ROBO1: variants seen among roughly 807,000 people sequenced by gnomAD.
The protein encoded by ROBO1 is roundabout homolog 1.
In ROBO1, 149 loss-of-function variants were observed where a neutral mutation model predicts 195.9. The ratio of observed to expected loss-of-function variants is 0.76; its 90% CI spans 0.67 to 0.87. The LOEUF is 0.87. Among genes scored for constraint, ROBO1 ranks in the 40% least tolerant of loss-of-function variants. The probability of loss-of-function intolerance (pLI) is 0.00; values close to 1 mark genes in which losing one functional copy is unlikely to be tolerated. For missense variants in ROBO1, 1,933 were observed against 2,068.3 expected (o/e 0.93, Z 1.27); for synonymous variants, 816 against 733.2 (o/e 1.11, Z -1.82).
chr3:78,609,022 A>G (rs1703631492), intron 28 of ROBO1, among the ~76,000 whole-genome samples: 2 of 152,134 alleles, frequency 1.3e-5, no homozygotes, highest in Admixed American at 1.3e-4. Flanking sequence ...AGAGATCAAA[A>G]CCAGAGATAC....
At chr3:78,873,187 C>T (rs1296391848) in intron 4 of ROBO1, among the ~76,000 whole-genome samples, 1 of 152,138 alleles carries the variant, frequency 6.6e-6, no homozygotes, top group Non-Finnish European at 1.5e-5. Flanking sequence ...ATGTTTAAGT[C>T]TCTAAATCAG....
chr3:78,961,809 C>CA (rs1337996264), intron 3 of ROBO1, among the ~76,000 whole-genome samples: 1 of 152,018 alleles, frequency 6.6e-6, no homozygotes, highest in East Asian at 1.9e-4. Context: ...TTTAAGTCCT[C>CA]AAAGTTAATT....
intron 1 of ROBO1, among the ~76,000 whole-genome samples, chr3:79,634,839 C>A (rs1197475852): frequency 1.3e-5 from 2 of 152,022 alleles, no homozygotes; most frequent in African/African-American, 4.8e-5. Flanking sequence ...ATAATTTAAC[C>A]ATGTTTTGTC....
chr3:79,175,509 T>C (rs2081249166), intron 2 of ROBO1, among the ~76,000 whole-genome samples: 1 of 152,222 alleles, frequency 6.6e-6, no homozygotes, highest in Non-Finnish European at 1.5e-5. Flanking sequence ...ATTATTGTTC[T>C]TCCTTCCTAA....
chr3:79,694,756 A>G (rs1010354560), intron 1 of ROBO1, among the ~76,000 whole-genome samples: 4 of 151,780 alleles, frequency 2.6e-5, no homozygotes, highest in African/African-American at 7.2e-5. Flanking sequence ...CATACAATAT[A>G]TGAAACATTT....
intron 1 of ROBO1, among the ~76,000 whole-genome samples, chr3:79,675,917 A>G (rs1390935371): frequency 1.3e-5 from 2 of 152,064 alleles, no homozygotes; most frequent in Non-Finnish European, 2.9e-5. Context: ...TCTCTTCGTC[A>G]TACATCTGCA....
intron 4 of ROBO1, among the ~76,000 whole-genome samples, chr3:78,915,506 A>T (rs1360146232): frequency 3.3e-5 from 5 of 152,176 alleles, no homozygotes; most frequent in Non-Finnish European, 5.9e-5. Context: ...CAGCATTTCC[A>T]CACATTTTAA....
chr3:79,593,756 G>A (rs1276629781), intron 1 of ROBO1, among the ~76,000 whole-genome samples: 1 of 151,830 alleles, frequency 6.6e-6, no homozygotes, highest in African/African-American at 2.4e-5. Flanking sequence ...GACAACAGAA[G>A]TGTACCACAA....
At chr3:79,729,164 G>A (rs969168111) in intron 1 of ROBO1, among the ~76,000 whole-genome samples, 2 of 152,060 alleles carry the variant, frequency 1.3e-5, no homozygotes, top group African/African-American at 4.8e-5. Flanking sequence ...TTCAATGTAA[G>A]GTTCTTTTTT....
chr3:79,450,493 A>C (rs1212005413), intron 2 of ROBO1, among the ~76,000 whole-genome samples: 1 of 152,142 alleles, frequency 6.6e-6, no homozygotes, highest in African/African-American at 2.4e-5. Flanking sequence ...AGTTATACGA[A>C]TAATGTATTA....
chr3:79,575,184 A>ACATATATATAAATATATATAG (rs1943419340), intron 2 of ROBO1, among the ~76,000 whole-genome samples: 1 of 113,676 alleles, frequency 8.8e-6, no homozygotes, highest in Non-Finnish European at 1.8e-5. Flanking sequence ...AATATATATA[A>ACATATATATAAATATATATAG]CATATATATA....
At chr3:78,823,772 A>C (rs546398795) in intron 4 of ROBO1, among the ~76,000 whole-genome samples, 1 of 152,226 alleles carries the variant, frequency 6.6e-6, no homozygotes, top group African/African-American at 2.4e-5. Flanking sequence ...GATATGTGTC[A>C]CCTCATTAGG....
In ROBO1 at chr3:79,173,438, G is replaced by T. The variant is rs547567915; in HGVS notation, c.89-47899C>A. Among the ~76,000 whole-genome samples, 446 of 152,198 alleles carry T rather than the reference G, an allele frequency of 2.9e-3. 2 individuals are homozygous for T. Among genetic ancestry groups the T allele is most frequent in the African/African-American group, 0.01 (428 of 41,540 alleles). ...GGCGGGCCCGCACTCCGAGCAGCTGGCCAGCCCTGCCTCCCTGGGCAATGA... is the reference window on the plus strand; with the variant it reads ...GGCGGGCCCGCACTCCGAGCAGCTGTCCAGCCCTGCCTCCCTGGGCAATGA... On this transcript the variant is annotated intron_variant, in intron 2 of 30. Transcript: ENST00000464233.
At chr3:78,856,622 C>A (rs1432427517) in intron 4 of ROBO1, among the ~76,000 whole-genome samples, 3 of 149,998 alleles carry the variant, frequency 2.0e-5, no homozygotes, top group Non-Finnish European at 4.4e-5. Context: ...TAGGTGGAGT[C>A]CAACTTAATA....
chr3:79,414,181 G>GTCTC (rs531510002), intron 2 of ROBO1, among the ~76,000 whole-genome samples: 4 of 148,610 alleles, frequency 2.7e-5, no homozygotes, highest in Non-Finnish European at 6.0e-5. Context: ...TATATTAACA[G>GTCTC]TCTCTCTCTC....
rs372963340 is a variant in ROBO1 at position 78,850,924 on chromosome 3, A to G, written c.499+87677T>C. Among the ~76,000 whole-genome samples, 11 of 152,004 alleles carry G rather than the reference A, an allele frequency of 7.2e-5. No individual in the cohort carries two copies. In the East Asian group the frequency reaches 1.2e-3, roughly 16 times the overall value. On this transcript the variant is annotated intron_variant, in intron 4 of 30. Transcript: ENST00000464233. ...TGGGTTCAAGCGATTCTCCTGCCTC[A>G]GCCTCCTGAGTAGCTGGGATTACAG...
chr3:78,673,463 C>T (rs1708182458), intron 10 of ROBO1, among the ~76,000 whole-genome samples: 1 of 137,118 alleles, frequency 7.3e-6, no homozygotes, highest in Admixed American at 7.6e-5. Flanking sequence ...GTTACACTAC[C>T]TGTTATAAAA....
intron 2 of ROBO1, among the ~76,000 whole-genome samples, chr3:79,146,038 C>CAAA (rs33941210): frequency 0.011 from 1,596 of 147,874 alleles, 10 homozygotes; most frequent in Non-Finnish European, 0.015. Flanking sequence ...ATAAAGAAAG[C>CAAA]AAAAAAAAAA....
chr3:78,697,868 A>G (rs894051652), intron 8 of ROBO1, among the ~76,000 whole-genome samples: 1 of 152,194 alleles, frequency 6.6e-6, no homozygotes, highest in Non-Finnish European at 1.5e-5. Flanking sequence ...TGTTATTGTA[A>G]AGCGAATGCA....
Sources: gnomAD v4.1 joint callset for allele counts (sites outside exome capture counted in the v4.1 genomes callset) on GRCh38, gnomAD v4.1.1 for gene constraint, MANE v1.5 for transcripts, NCBI Gene and HGNC (gene_info 2026-07-23, HGNC 2026-07-21) for gene names.